The following CRTAP variants were observed in gnomAD, a reference collection of about 807,000 sequenced individuals.
The protein encoded by CRTAP is cartilage associated protein, also known as cartilage-associated protein.
CRTAP carries 33 observed loss-of-function variants against 42.7 expected under a neutral mutation model. The ratio of observed to expected loss-of-function variants is 0.77; its 90% confidence interval spans 0.59 to 1.03. The LOEUF is 1.03. Ranked by LOEUF, CRTAP falls within the 50% of genes least tolerant of loss-of-function variation. The pLI, the probability that CRTAP is intolerant of heterozygous loss-of-function variation, is 0.00. For synonymous variants in CRTAP, 243 were observed against 217.7 expected (o/e 1.12, Z -1.02); for missense variants, 613 against 533.9 (o/e 1.15, Z -1.46).
At chr3:33,128,222 T>C (rs1433235153) in intron 3 of CRTAP, among the ~76,000 whole-genome samples, 1 of 152,212 alleles carries the variant, frequency 6.6e-6, no homozygotes, top group Non-Finnish European at 1.5e-5. Context: ...ATTCAATCTG[T>C]AGTTCATATT....
rs1048005191 is a variant in CRTAP at position 33,144,255 on chromosome 3, A to T, written c.*1807A>T. On this transcript the variant is annotated 3_prime_UTR_variant, in exon 7 of 7. Coordinates refer to ENST00000320954, the MANE Select transcript of CRTAP (RefSeq NM_006371.5). ...TAAGGTTTTTGGCCTGAATAGCAGGAAAGATGGAGTTACCAGTTACTGAAA... is the reference window on the plus strand; with the variant it reads ...TAAGGTTTTTGGCCTGAATAGCAGGTAAGATGGAGTTACCAGTTACTGAAA... 2 of 152,238 alleles carry T rather than the reference A, an allele frequency of 1.3e-5. No individual in the cohort carries two copies. The highest frequency in any genetic ancestry group is 4.8e-5 in the African/African-American group (2 of 41,444). The allele number at this position is 152,238 out of a possible 1,614,324, so 9.4% of individuals were successfully genotyped here.
intron 1 of CRTAP, among the ~76,000 whole-genome samples, chr3:33,118,254 C>T (rs888751786): frequency 2.0e-5 from 3 of 152,178 alleles, no homozygotes; most frequent in African/African-American, 4.8e-5. Flanking sequence ...CCACTGCTCC[C>T]GGCCTCTGTG....
chr3:33,117,201 G>C (rs1460913580), intron 1 of CRTAP, among the ~76,000 whole-genome samples: 1 of 152,214 alleles, frequency 6.6e-6, no homozygotes, highest in African/African-American at 2.4e-5. Flanking sequence ...GCACCTGAAG[G>C]CTGGAGGTCG....
Position 33,124,535 on chromosome 3 carries a change from C to A in CRTAP, c.749C>A (p.Ser250Tyr). Residue 250 changes from serine (S) to tyrosine (Y), a missense_variant, in exon 3 of 7, where the codon TCC (serine) becomes TAC (tyrosine). Ser to Tyr is a moderately radical substitution (Grantham distance 144). Transcript: ENST00000320954. ...GAGTGTCTCGCAGCCTGCGAGGGTTCCAGGGAGATCAAGGACTTCAAGGAT... is the reference window on the plus strand; with the variant it reads ...GAGTGTCTCGCAGCCTGCGAGGGTTACAGGGAGATCAAGGACTTCAAGGAT... ...FYECLAACEG[S>Y]REIKDFKDFY... is the part of the protein sequence containing the mutation. 6.2e-7 allele frequency: 1 copy of A among 1,614,154 alleles called. No homozygotes were observed. The highest frequency in any genetic ancestry group is 2.2e-5 in the East Asian group (1 of 44,882).
At chr3:33,127,753 T>C (rs2030122601) in intron 3 of CRTAP, among the ~76,000 whole-genome samples, 1 of 150,746 alleles carries the variant, frequency 6.6e-6, no homozygotes, top group Non-Finnish European at 1.5e-5. Flanking sequence ...CGGCCTATTA[T>C]ATTTTATTTT....
intron 6 of CRTAP, among the ~76,000 whole-genome samples, 164 bp downstream of exon 6, chr3:33,134,429 T>C (rs541551429): frequency 6.6e-6 from 1 of 152,188 alleles, no homozygotes; most frequent in South Asian, 2.1e-4. Context: ...AATGCTGGCA[T>C]GGGAAAGAGC....
At position 33,142,479 on chromosome 3, in the gene CRTAP, C is replaced by T. The variant is rs149138748; in HGVS notation, c.*31C>T. On this transcript the variant is annotated 3_prime_UTR_variant, in exon 7 of 7. Transcript: ENST00000320954. ...AGCAACCAAAGAGACTTCCTCTTGG[C>T]GTTCAGGAAACACAGATTCTTTGTC... The T allele has an allele frequency of 4.3e-4, 687 of 1,607,388 alleles. 3 individuals are homozygous for T. In the African/African-American group the frequency reaches 7.6e-3, roughly 18 times the overall value.
rs752396370 is a variant in CRTAP, at chr3:33,120,418, G to A, written c.546G>A (p.Lys182=). Residue 182 remains lysine, a synonymous_variant, in exon 2 of 7, where the codon AAG becomes AAA. Coordinates refer to ENST00000320954, the MANE Select transcript of CRTAP (RefSeq NM_006371.5). ...LLKHPDDEMM[K]RNMAYYKSLP... is the part of the protein sequence containing the mutation. The stretch of plus-strand genomic sequence containing the variant: ...AGCATCCTGATGACGAAATGATGAA[G>A]AGGAACATGGCATATTATAAGAGCC... 6.2e-7 allele frequency: 1 copy of A among 1,613,916 alleles called. No individual in the cohort carries two copies. The highest frequency in any genetic ancestry group is 8.5e-7 in the Non-Finnish European group (1 of 1,179,794).
In CRTAP at chr3:33,120,681, G is replaced by A. The variant is rs116647490; in HGVS notation, c.621+188G>A. ...ATTTAATAATGATATTTTGTATGCC[G>A]TGATGATTTTAAAAGCCATGTTCCC... On this transcript the variant is annotated intron_variant, in intron 2 of 6. Transcript: ENST00000320954. Among the ~76,000 whole-genome samples, 453 of 152,228 alleles carry A rather than the reference G, an allele frequency of 3.0e-3. 4 individuals are homozygous for A. The highest frequency in any genetic ancestry group is 0.011 in the African/African-American group (437 of 41,524).
Position 33,145,935 on chromosome 3 carries a change from G to A in CRTAP, c.*3487G>A, listed in dbSNP as rs968526578. The stretch of plus-strand genomic sequence containing the variant: ...CTAGTGATGTCCCCTGAGGACCCGG[G>A]TGATAGTACAGTCAATATTGTCAGT... On this transcript the variant is annotated 3_prime_UTR_variant, in exon 7 of 7. Transcript: ENST00000320954. This position sits in a 1 kb window ranked among gnomAD's most constrained non-coding sequence, Gnocchi z 4.3. 3.3e-5 allele frequency: 5 copies of A among 152,074 alleles called. No individual in the cohort carries two copies. The allele number at this position is 152,074 out of a possible 1,614,324, so 9.4% of individuals were successfully genotyped here.
chr3:33,128,794 A>G (rs1028662758), intron 3 of CRTAP, among the ~76,000 whole-genome samples: 2 of 152,140 alleles, frequency 1.3e-5, no homozygotes, highest in African/African-American at 2.4e-5. Flanking sequence ...AATGTGTGCA[A>G]CCCTTCTGGA....
In CRTAP at chr3:33,114,309, C is replaced by T. The variant is rs1425727052; in HGVS notation, c.232C>T (p.Arg78Cys). ...CAGCCTGCGGCTGCACCGCTTGCTG[C>T]GCGACAGCGAGGCCTTCTGCCACCG... is the stretch of plus-strand genomic sequence containing the variant. ...EISLRLHRLL[R>C]DSEAFCHRNC... The change falls in exon 1 of 7, where the codon CGC becomes TGC. Residue 78 changes from arginine (R) to cysteine (C), a missense_variant. Physicochemically the swap from Arg to Cys is radical, Grantham distance 180. Transcript: ENST00000320954. The T allele has an allele frequency of 6.4e-7, 1 of 1,553,922 alleles. No individual in the cohort carries two copies. Among genetic ancestry groups the T allele is most frequent in the South Asian group, 1.2e-5 (1 of 85,080 alleles).
chr3:33,117,342 C>G (rs1380200277), intron 1 of CRTAP, among the ~76,000 whole-genome samples: 1 of 152,124 alleles, frequency 6.6e-6, no homozygotes, highest in Non-Finnish European at 1.5e-5. Flanking sequence ...ATGGTGGGTT[C>G]CGACTGCCAG....
intron 2 of CRTAP, among the ~76,000 whole-genome samples, chr3:33,121,482 A>G (rs1475724633): frequency 1.3e-5 from 2 of 149,950 alleles, no homozygotes; most frequent in Admixed American, 6.6e-5. Flanking sequence ...AGGCCTGACC[A>G]CAGGGTTTTC....
At chr3:33,133,083 G>T (rs756409659) in intron 5 of CRTAP, among the ~76,000 whole-genome samples, 8 of 152,222 alleles carry the variant, frequency 5.3e-5, no homozygotes, top group Middle Eastern at 3.4e-3. Context: ...GTAGTTTTGT[G>T]CATGTGTGTG....
intron 2 of CRTAP, among the ~76,000 whole-genome samples, chr3:33,122,514 T>TG (rs1186981563): frequency 6.6e-6 from 1 of 151,578 alleles, no homozygotes; most frequent in Non-Finnish European, 1.5e-5. Flanking sequence ...CAAGACCAGC[T>TG]GGGGCAAGAT....
In CRTAP at chr3:33,114,497, G is replaced by A. The variant is rs773473218; in HGVS notation, c.420G>A (p.Ala140=). Residue 140 remains alanine, a synonymous_variant, in exon 1 of 7, where the codon GCG becomes GCA. Coordinates refer to ENST00000320954, the MANE Select transcript of CRTAP (RefSeq NM_006371.5). Reference sequence around the variant, plus strand: ...CCCAGCCCAGCCGCGAGGTGCTGGCGGACTTCCAGCGCCGCGAGCCCTACA... The same window carrying A: ...CCCAGCCCAGCCGCGAGGTGCTGGCAGACTTCCAGCGCCGCGAGCCCTACA... ...RQSQPSREVL[A]DFQRREPYKF... The A allele has an allele frequency of 1.2e-5, 19 of 1,603,624 alleles. No individual in the cohort carries two copies. The highest frequency in any genetic ancestry group is 1.5e-5 in the Non-Finnish European group (18 of 1,177,014).
intron 6 of CRTAP, among the ~76,000 whole-genome samples, chr3:33,138,564 G>T (rs1559437302): frequency 6.6e-6 from 1 of 151,716 alleles, no homozygotes; most frequent in Non-Finnish European, 1.5e-5. Context: ...TTCACTTTTG[G>T]GCATATTCTA....
intron 3 of CRTAP, among the ~76,000 whole-genome samples, chr3:33,129,535 CTTTTTTTTTTTT>C (rs753545426): frequency 4.3e-5 from 5 of 115,716 alleles, no homozygotes; most frequent in African/African-American, 1.2e-4. Context: ...TTTTCTTTTT[CTTTTTTTTTTTT>C]TTTTTTTGGA....
Sources: gnomAD v4.1 joint callset for allele counts (sites outside exome capture counted in the v4.1 genomes callset) on GRCh38, gnomAD v4.1.1 for gene constraint, Gnocchi (gnomAD v3.1) non-coding constraint, MANE v1.5 for transcripts, NCBI Gene and HGNC (gene_info 2026-07-23, HGNC 2026-07-21) for gene names.